The following NTRK1 variants were observed in gnomAD, a reference collection of about 807,000 sequenced individuals.
NTRK1 encodes neurotrophic receptor tyrosine kinase 1.
A neutral mutation model predicts 86.8 loss-of-function variants in NTRK1; 62 were observed. The observed-to-expected ratio is 0.71, with a 90% CI of 0.58 to 0.88. NTRK1 has a LOEUF of 0.88. Ranked by LOEUF, NTRK1 falls within the 40% of genes least tolerant of loss-of-function variation. NTRK1 has a pLI of 0.00. For missense variants in NTRK1, 967 were observed against 1,078.4 expected (o/e 0.90, Z 1.45); for synonymous variants, 469 against 456.6 (o/e 1.03, Z -0.35).
At chr1:156,862,725 T>A (rs1335610560) in intron 1 of NTRK1, among the ~76,000 whole-genome samples, 4 of 152,124 alleles carry the variant, frequency 2.6e-5, no homozygotes, top group Non-Finnish European at 4.4e-5. Flanking sequence ...TTGAGCACGC[T>A]GGCCTGACAG....
At chr1:156,873,062 T>TGTGTGTGTGTGTG (rs1553262045) in intron 7 of NTRK1, among the ~76,000 whole-genome samples, 5 of 148,764 alleles carry the variant, frequency 3.4e-5, no homozygotes, top group South Asian at 2.1e-4. Flanking sequence ...TGTGTGTGTG[T>TGTGTGTGTGTGTG]TTGAAGAGAT....
In NTRK1 at chr1:156,881,808, C is replaced by A; in HGVS notation, c.*166C>A. On this transcript the variant is annotated 3_prime_UTR_variant, in exon 17 of 17. Transcript: ENST00000524377. ...GGGAGTAGAGGATGTTCCTGCTTCT[C>A]TAGGCAAGGTCCCGTCATAGCAATT... 1 of 635,052 alleles carries A rather than the reference C, an allele frequency of 1.6e-6. No homozygotes were observed. Among genetic ancestry groups the A allele is most frequent in the South Asian group, 2.2e-5 (1 of 44,596 alleles). The allele number at this position is 635,052 out of a possible 1,614,324, so 39.3% of individuals were successfully genotyped here.
At chr1:156,878,798 TC>T (rs1380275819) in intron 14 of NTRK1, among the ~76,000 whole-genome samples, 1 of 151,938 alleles carries the variant, frequency 6.6e-6, no homozygotes, top group Non-Finnish European at 1.5e-5. Flanking sequence ...GACACCGAGC[TC>T]CAATTGGCAA....
Position 156,839,400 on chromosome 1 carries a change from C to T in NTRK1, c.-63-2681C>T, listed in dbSNP as rs142828321. Among the ~76,000 whole-genome samples, 345 of 152,384 alleles carry T rather than the reference C, an allele frequency of 2.3e-3. 3 individuals carry two copies. Among genetic ancestry groups the T allele is most frequent in the African/African-American group, 7.6e-3 (318 of 41,596 alleles). On this transcript the variant is annotated intron_variant, in intron 1 of 16. Coordinates refer to the NTRK1 transcript ENST00000392302. ...TCTGAGCCTTGGGCAGCCCCTCCCG[C>T]TGCCACCCCCTTCGTCAAGGTTTGA...
intron 7 of NTRK1, among the ~76,000 whole-genome samples, chr1:156,872,327 T>TC (rs1455167062): frequency 6.6e-6 from 1 of 152,154 alleles, no homozygotes; most frequent in Non-Finnish European, 1.5e-5. Flanking sequence ...CATCCCACTC[T>TC]CCCATCTCAT....
chr1:156,832,649 C>A (rs1324599303), intron 1 of NTRK1, among the ~76,000 whole-genome samples: 3 of 152,108 alleles, frequency 2.0e-5, no homozygotes, highest in East Asian at 1.9e-4. Context: ...TGTGAAGGGG[C>A]AGGAGGCTCG....
intron 1 of NTRK1, among the ~76,000 whole-genome samples, chr1:156,827,285 A>T (rs1654343633): frequency 1.3e-5 from 2 of 150,176 alleles, no homozygotes; most frequent in African/African-American, 4.9e-5. Context: ...TTTTTGAGAC[A>T]GAGTCTCACT....
At chr1:156,880,894 T>C (rs1648222176) in intron 16 of NTRK1, among the ~76,000 whole-genome samples, 1 of 152,216 alleles carries the variant, frequency 6.6e-6, no homozygotes. Context: ...TTGGCTGCTT[T>C]AGCAGTTCTT....
upstream of NTRK1, chr1:156,860,741 G>C (rs906600776): frequency 2.8e-6 from 3 of 1,052,834 alleles, no homozygotes; most frequent in South Asian, 2.4e-5. Context: ...AGGGGGCAGA[G>C]GGGGGGGCGT....
intron 1 of NTRK1, among the ~76,000 whole-genome samples, chr1:156,861,617 G>C (rs1389730735): frequency 6.6e-6 from 1 of 152,164 alleles, no homozygotes; most frequent in African/African-American, 2.4e-5. Flanking sequence ...TTCTGGAATT[G>C]GGGATTGAGC....
At chr1:156,826,378 G>A (rs549613203) in intron 1 of NTRK1, among the ~76,000 whole-genome samples, 11 of 134,516 alleles carry the variant, frequency 8.2e-5, no homozygotes, top group African/African-American at 1.1e-4. Context: ...TCGGCTCACT[G>A]CAAGCTCTGC....
At chr1:156,816,921 G>A (rs773219658) in intron 1 of NTRK1, 8 of 426,042 alleles carry the variant, frequency 1.9e-5, no homozygotes, top group Admixed American at 8.8e-5. Flanking sequence ...TGTAGATAGC[G>A]GTGGTATAGC....
At chr1:156,823,710 T>C (rs1654247281) in intron 1 of NTRK1, among the ~76,000 whole-genome samples, 1 of 152,214 alleles carries the variant, frequency 6.6e-6, no homozygotes, top group Non-Finnish European at 1.5e-5. Flanking sequence ...CAAGCAAGTT[T>C]GGCGCTTGGC....
intron 1 of NTRK1, among the ~76,000 whole-genome samples, chr1:156,831,282 G>T (rs939280504): frequency 2.0e-5 from 3 of 152,204 alleles, no homozygotes; most frequent in Non-Finnish European, 2.9e-5. Context: ...GCAGGAGCAC[G>T]CTGGGTCAGA....
rs186283845 is a variant in NTRK1 at position 156,868,338 on chromosome 1, G to A, written c.574+89G>A. On this transcript the variant is annotated intron_variant, in intron 5 of 16. Coordinates refer to ENST00000524377, the MANE Select transcript of NTRK1 (RefSeq NM_002529.4). ...GAGGGCACTGAGCAAGCACTGAAAA[G>A]GCCTGGGGAATGGGCACTGGCAAAG... 158 of 1,566,486 alleles carry A rather than the reference G, an allele frequency of 1.0e-4. No homozygotes were observed. In the African/African-American group the frequency reaches 1.3e-3, roughly 12 times the overall value.
upstream of NTRK1, chr1:156,859,002 A>G (rs2102875910): frequency 4.8e-6 from 1 of 208,154 alleles, no homozygotes; most frequent in Non-Finnish European, 9.9e-6. This position sits in a 1 kb window ranked among gnomAD's most constrained non-coding sequence, Gnocchi z 6.2. Context: ...GACCGCTCCC[A>G]AGGAGGGCAG....
At chr1:156,836,143 C>T (rs1354175318) in intron 1 of NTRK1, among the ~76,000 whole-genome samples, 1 of 152,162 alleles carries the variant, frequency 6.6e-6, no homozygotes, top group African/African-American at 2.4e-5. Flanking sequence ...CAGGATGACA[C>T]ACCTGGGAGG....
Position 156,842,538 on chromosome 1 carries a change from C to A in NTRK1, c.50+345C>A, listed in dbSNP as rs370352633. ...GACAGACAAAGGGCCTAGCAGACCC[C>A]CTAGTTCCCCTTGACCCATTTGGCC... On this transcript the variant is annotated intron_variant, in intron 2 of 16. Coordinates refer to the NTRK1 transcript ENST00000392302. 145 of 1,574,100 alleles carry A rather than the reference C, an allele frequency of 9.2e-5. 4 individuals carry two copies. In the South Asian group the frequency reaches 1.6e-3, roughly 17 times the overall value.
intron 1 of NTRK1, among the ~76,000 whole-genome samples, chr1:156,838,616 C>T (rs1487521618): frequency 6.6e-6 from 1 of 152,224 alleles, no homozygotes. Context: ...ATCTATCTTG[C>T]TACCTAGTTA....
Sources: gnomAD v4.1 joint callset for allele counts (sites outside exome capture counted in the v4.1 genomes callset) on GRCh38, gnomAD v4.1.1 for gene constraint, Gnocchi (gnomAD v3.1) non-coding constraint, MANE v1.5 for transcripts, NCBI Gene and HGNC (gene_info 2026-07-23, HGNC 2026-07-21) for gene names.